Variants in UBE2J1 observed in about 807,000 individuals in gnomAD.
The protein encoded by UBE2J1 is ubiquitin conjugating enzyme E2 J1, also known as ubiquitin-conjugating enzyme E2 J1.
UBE2J1 carries 17 observed loss-of-function variants against 42.1 expected under a neutral mutation model. That is an observed-to-expected ratio of 0.40 (90% CI 0.28 to 0.61). UBE2J1 has a LOEUF of 0.61. Among genes scored for constraint, UBE2J1 ranks in the 20% least tolerant of loss-of-function variants. The pLI is 0.38. For synonymous variants in UBE2J1, 127 were observed against 137.2 expected (o/e 0.93, Z 0.52); for missense variants, 291 against 389.4 (o/e 0.75, Z 2.13).
chr6:89,332,601 T>A (rs1257158216), intron 7 of UBE2J1, among the ~76,000 whole-genome samples: 1 of 152,200 alleles, frequency 6.6e-6, no homozygotes, highest in East Asian at 1.9e-4. Flanking sequence ...GGAACTGAAT[T>A]TTAAATTCTA....
chr6:89,346,129 A>T (rs909346283), intron 1 of UBE2J1, among the ~76,000 whole-genome samples: 2 of 151,920 alleles, frequency 1.3e-5, no homozygotes, highest in Non-Finnish European at 2.9e-5. Flanking sequence ...CTCCTACCTC[A>T]GCCTTCCAAA....
intron 6 of UBE2J1, 117 bp downstream of exon 6, chr6:89,335,185 G>A (rs990811289): frequency 7.0e-6 from 7 of 993,274 alleles, no homozygotes; most frequent in Admixed American, 6.1e-5. Context: ...TATGAAAAAA[G>A]AAAAACATTG....
intron 7 of UBE2J1, among the ~76,000 whole-genome samples, chr6:89,332,842 A>C (rs965371897): frequency 3.3e-5 from 5 of 152,224 alleles, no homozygotes; most frequent in Admixed American, 6.5e-5. Context: ...AGAGAATCAC[A>C]GAATTCTGGA....
chr6:89,330,791 C>G (rs1456093773), intron 7 of UBE2J1, among the ~76,000 whole-genome samples: 1 of 152,004 alleles, frequency 6.6e-6, no homozygotes, highest in Non-Finnish European at 1.5e-5. Flanking sequence ...GTGAGACTCT[C>G]CCTTAAAAAG....
Sources: gnomAD v4.1 joint callset for allele counts (sites outside exome capture counted in the v4.1 genomes callset) on GRCh38, gnomAD v4.1.1 for gene constraint, MANE v1.5 for transcripts, NCBI Gene and HGNC (gene_info 2026-07-23, HGNC 2026-07-21) for gene names.